FAM13A: variants seen among roughly 807,000 people sequenced by gnomAD.
FAM13A encodes protein FAM13A.
Under a neutral mutation model 129.6 loss-of-function variants are expected in FAM13A, and 76 were observed. The observed-to-expected ratio is 0.59, with a 90% CI of 0.49 to 0.71. The LOEUF (loss-of-function observed/expected upper bound fraction) is 0.71, where lower values mean the gene tolerates loss of function less well. Among genes scored for constraint, FAM13A ranks in the 30% least tolerant of loss-of-function variants. The probability of loss-of-function intolerance (pLI) is 0.00; values close to 1 mark genes in which losing one functional copy is unlikely to be tolerated. For synonymous variants in FAM13A, 443 were observed against 449.9 expected, an observed-to-expected ratio of 0.98 and a Z score of 0.20; for missense variants, 1,108 against 1,249.3, an observed-to-expected ratio of 0.89 and a Z score of 1.70.
chr4:88,884,291 G>T (rs953571229), intron 6 of FAM13A, among the ~76,000 whole-genome samples: 1 of 152,018 alleles, frequency 6.6e-6, no homozygotes, highest in African/African-American at 2.4e-5. Context: ...ATATCAAAAA[G>T]ATAACCCACT....
At chr4:88,921,540 TC>T (rs1189359766) in intron 5 of FAM13A, among the ~76,000 whole-genome samples, 1 of 151,880 alleles carries the variant, frequency 6.6e-6, no homozygotes, top group Non-Finnish European at 1.5e-5. Flanking sequence ...ATAAAAGAGC[TC>T]CTGAAGGAAG....
intron 6 of FAM13A, among the ~76,000 whole-genome samples, chr4:88,871,949 G>T (rs947662605): frequency 1.3e-5 from 2 of 152,160 alleles, no homozygotes; most frequent in African/African-American, 4.8e-5. Flanking sequence ...CGGATCTCTC[G>T]GCAGAAACTC....
At chr4:89,015,819 T>C (rs918918081) in intron 3 of FAM13A, among the ~76,000 whole-genome samples, 1 of 152,148 alleles carries the variant, frequency 6.6e-6, no homozygotes, top group African/African-American at 2.4e-5. Context: ...TATACATATA[T>C]ACGTGTATGT....
intron 7 of FAM13A, among the ~76,000 whole-genome samples, chr4:88,850,551 T>C (rs1040406681): frequency 4.6e-5 from 7 of 151,916 alleles, no homozygotes; most frequent in Non-Finnish European, 8.8e-5. Context: ...AGCGAGACTG[T>C]GTCTCAAAAA....
At chr4:88,868,423 C>T (rs1448648953) in intron 6 of FAM13A, among the ~76,000 whole-genome samples, 5 of 152,172 alleles carry the variant, frequency 3.3e-5, no homozygotes, top group Admixed American at 3.3e-4. Context: ...GTTTACTTTC[C>T]TTCCCTACCT....
chr4:88,795,063 T>TTA (rs1725890730), intron 8 of FAM13A, among the ~76,000 whole-genome samples: 1 of 151,818 alleles, frequency 6.6e-6, no homozygotes, highest in Non-Finnish European at 1.5e-5. Context: ...CTAGCTATGA[T>TTA]TATCATATGC....
At chr4:88,863,511 T>G (rs1388881104) in intron 6 of FAM13A, among the ~76,000 whole-genome samples, 1 of 152,200 alleles carries the variant, frequency 6.6e-6, no homozygotes, top group East Asian at 1.9e-4. Context: ...TAGCAAATTA[T>G]CAAACCTGAA....
intron 7 of FAM13A, among the ~76,000 whole-genome samples, chr4:88,826,488 C>G (rs1733015738): frequency 6.6e-6 from 1 of 152,142 alleles, no homozygotes; most frequent in African/African-American, 2.4e-5. Flanking sequence ...ACTAGTTATA[C>G]TAAAAATTCG....
intron 13 of FAM13A, among the ~76,000 whole-genome samples, chr4:88,760,680 TTG>T (rs1426235827): frequency 6.6e-6 from 1 of 151,792 alleles, no homozygotes; most frequent in African/African-American, 2.4e-5. Flanking sequence ...AAAATGCAGT[TTG>T]TTTACTGGGG....
At chr4:88,779,043 C>A (rs1165289459) in intron 11 of FAM13A, among the ~76,000 whole-genome samples, 1 of 152,164 alleles carries the variant, frequency 6.6e-6, no homozygotes, top group African/African-American at 2.4e-5. Flanking sequence ...CCATTCCCTG[C>A]ATATTTTTTT....
At chr4:88,898,764 A>T (rs1203970628) in intron 6 of FAM13A, among the ~76,000 whole-genome samples, 1 of 151,962 alleles carries the variant, frequency 6.6e-6, no homozygotes, top group Non-Finnish European at 1.5e-5. Context: ...TAAAAAAAAT[A>T]AAAAAATAGA....
chr4:88,890,334 T>C (rs1050853746), intron 6 of FAM13A, among the ~76,000 whole-genome samples: 1 of 152,176 alleles, frequency 6.6e-6, no homozygotes, highest in African/African-American at 2.4e-5. Flanking sequence ...ACCCAGTCTC[T>C]TAGGAAGCTG....
At chr4:89,015,277 T>C (rs1028118070) in intron 3 of FAM13A, among the ~76,000 whole-genome samples, 1 of 152,198 alleles carries the variant, frequency 6.6e-6, no homozygotes, top group Non-Finnish European at 1.5e-5. Flanking sequence ...ATTTGCCTTG[T>C]AATATTTTAT....
chr4:88,926,325 C>A, intron 5 of FAM13A, among the ~76,000 whole-genome samples: 1 of 152,094 alleles, frequency 6.6e-6, no homozygotes, highest in Non-Finnish European at 1.5e-5. Flanking sequence ...ATCAGAAATT[C>A]AGTTTTATAG....
Position 89,017,095 on chromosome 4 carries a change from T to TA in FAM13A, c.427+3364dup, listed in dbSNP as rs566440381. 2.0e-4 allele frequency among the ~76,000 whole-genome samples: 31 copies of TA among 152,326 alleles called. No homozygotes were observed. The South Asian group carries it at 4.8e-3, about 23-fold the overall frequency. ...TACGTGTGTAGTAGGCTATACAATC[T>TA]AGGCTTGTGTAAGTATACTGTATGA... On this transcript the variant is annotated intron_variant, in intron 3 of 23. Coordinates refer to ENST00000264344, the MANE Select transcript of FAM13A (RefSeq NM_014883.4).
At chr4:88,992,401 G>C (rs1763031346) in intron 3 of FAM13A, among the ~76,000 whole-genome samples, 1 of 151,772 alleles carries the variant, frequency 6.6e-6, no homozygotes, top group Admixed American at 6.6e-5. Context: ...TGAGTAGCCG[G>C]GATTGATTAC....
chr4:88,741,424 T>C (rs1007436068), intron 19 of FAM13A, among the ~76,000 whole-genome samples: 1 of 151,934 alleles, frequency 6.6e-6, no homozygotes, highest in African/African-American at 2.4e-5. Context: ...TACATAAAGG[T>C]CAAAAATAAG....
chr4:88,805,082 T>A (rs150231795), intron 7 of FAM13A, 30 bp from the exon 8 acceptor site: 1 of 1,126,394 alleles, frequency 8.9e-7, no homozygotes, highest in Non-Finnish European at 1.3e-6. Flanking sequence ...TGAATTAATA[T>A]AATGTCTGTT....
At chr4:89,016,470 G>T (rs982987073) in intron 3 of FAM13A, among the ~76,000 whole-genome samples, 1 of 152,086 alleles carries the variant, frequency 6.6e-6, no homozygotes, top group Non-Finnish European at 1.5e-5. Context: ...GCCTACAGTG[G>T]TGCAGTAATC....
Sources: allele counts gnomAD v4.1 joint callset (sites outside exome capture counted in the v4.1 genomes callset), GRCh38; gene constraint gnomAD v4.1.1; transcripts MANE v1.5; gene names NCBI Gene and HGNC (gene_info 2026-07-23, HGNC 2026-07-21).